Variants in MECOM observed in about 807,000 individuals in gnomAD.
MECOM encodes the protein MDS1 and EVI1 complex locus.
MECOM carries 13 observed loss-of-function variants against 116.3 expected under a neutral mutation model. The observed-to-expected ratio is 0.11, with a 90% CI of 0.07 to 0.18. The LOEUF is 0.18. Among genes scored for constraint, MECOM ranks in the 10% least tolerant of loss-of-function variants. MECOM has a pLI of 1.00. For missense variants in MECOM, 1,299 were observed against 1,509.0 expected, an observed-to-expected ratio of 0.86 and a Z score of 2.31; for synonymous variants, 528 against 535.2, an observed-to-expected ratio of 0.99 and a Z score of 0.19.
intron 2 of MECOM, among the ~76,000 whole-genome samples, chr3:169,231,238 CT>C (rs1465465408): frequency 1.3e-5 from 2 of 152,120 alleles, no homozygotes; most frequent in Non-Finnish European, 2.9e-5. Context: ...GTTGTTCATT[CT>C]TTCATTTATT....
At chr3:169,591,996 A>G (rs546397994) in intron 1 of MECOM, among the ~76,000 whole-genome samples, 1 of 152,258 alleles carries the variant, frequency 6.6e-6, no homozygotes, top group South Asian at 2.1e-4. Context: ...ACCAAACTGA[A>G]ATGATGTGGC....
intron 1 of MECOM, among the ~76,000 whole-genome samples, chr3:169,577,609 T>C (rs1481782824): frequency 1.3e-5 from 2 of 152,100 alleles, no homozygotes; most frequent in Non-Finnish European, 2.9e-5. Flanking sequence ...CATGGAGGTG[T>C]TAAATGAATG....
At chr3:169,371,240 A>C (rs184142784) in intron 2 of MECOM, among the ~76,000 whole-genome samples, 11 of 152,120 alleles carry the variant, frequency 7.2e-5, no homozygotes, top group Admixed American at 6.6e-4. Context: ...ATATTATGCT[A>C]AGTGAAATAA....
At chr3:169,430,632 A>G (rs9637450) in intron 1 of MECOM, among the ~76,000 whole-genome samples, 27,745 of 152,138 alleles carry the variant, frequency 0.18, 3,084 homozygotes, top group Non-Finnish European at 0.25. Flanking sequence ...TGTGTCCACA[A>G]GTCTATTTTC....
At chr3:169,170,546 G>T (rs1744265711) in intron 2 of MECOM, among the ~76,000 whole-genome samples, 2 of 152,060 alleles carry the variant, frequency 1.3e-5, no homozygotes, top group African/African-American at 4.8e-5. Flanking sequence ...CACTTTCGTG[G>T]ATGCTGAATA....
At chr3:169,622,103 T>G (rs1770805816) in intron 1 of MECOM, among the ~76,000 whole-genome samples, 1 of 152,186 alleles carries the variant, frequency 6.6e-6, no homozygotes, top group Admixed American at 6.5e-5. Flanking sequence ...TTTGTTTGTT[T>G]TTTGAGAAGA....
rs374586769 is a variant in MECOM, at chr3:169,625,438, A to G, written c.37+37898T>C. Among the ~76,000 whole-genome samples the G allele has an allele frequency of 7.9e-5, 12 of 152,274 alleles. No homozygotes were observed. The East Asian group carries it at 1.2e-3, about 15-fold the overall frequency. ...GGCTCTTAAGCATTGCCTATTAGTAATACATACCAAATTTACTTAAAAGTC... is the reference window on the plus strand; with the variant it reads ...GGCTCTTAAGCATTGCCTATTAGTAGTACATACCAAATTTACTTAAAAGTC... On this transcript the variant is annotated intron_variant, in intron 1 of 16. Coordinates refer to ENST00000651503, the MANE Select transcript of MECOM (RefSeq NM_004991.4).
chr3:169,616,344 T>C (rs932360321), intron 1 of MECOM, among the ~76,000 whole-genome samples: 3 of 152,056 alleles, frequency 2.0e-5, no homozygotes, highest in Non-Finnish European at 4.4e-5. Flanking sequence ...TTGGTTTTGG[T>C]TTTTTTGTTT....
At chr3:169,493,206 T>C (rs1408559390) in intron 1 of MECOM, among the ~76,000 whole-genome samples, 1 of 152,210 alleles carries the variant, frequency 6.6e-6, no homozygotes, top group Non-Finnish European at 1.5e-5. Context: ...TACCAAGCAC[T>C]GGGGCTCAAG....
intron 4 of MECOM, among the ~76,000 whole-genome samples, chr3:169,128,967 T>TA (rs1733793207): frequency 6.6e-6 from 1 of 152,162 alleles, no homozygotes; most frequent in Admixed American, 6.6e-5. Flanking sequence ...CTCACACTGC[T>TA]AAAAAATACC....
chr3:169,144,805 G>C (rs1025388369), intron 2 of MECOM, among the ~76,000 whole-genome samples: 5 of 152,130 alleles, frequency 3.3e-5, no homozygotes, highest in Non-Finnish European at 5.9e-5. Context: ...TAATACAAAC[G>C]AGGAAGTTTC....
At chr3:169,467,798 C>T (rs576393435) in intron 1 of MECOM, among the ~76,000 whole-genome samples, 4 of 152,148 alleles carry the variant, frequency 2.6e-5, no homozygotes, top group Non-Finnish European at 5.9e-5. Context: ...CCGGCTACAA[C>T]AAGACCTGGG....
At chr3:169,539,596 A>T (rs1319456870) in intron 1 of MECOM, among the ~76,000 whole-genome samples, 1 of 152,180 alleles carries the variant, frequency 6.6e-6, no homozygotes, top group Non-Finnish European at 1.5e-5. Flanking sequence ...TATGTTGTGA[A>T]TTCTTCCACT....
chr3:169,183,869 T>TTTTTTCG (rs1746364218), intron 2 of MECOM, among the ~76,000 whole-genome samples: 1 of 123,198 alleles, frequency 8.1e-6, no homozygotes, highest in East Asian at 2.6e-4. Flanking sequence ...TTCTTTTTTC[T>TTTTTTCG]CTTTTTTTTT....
intron 1 of MECOM, among the ~76,000 whole-genome samples, chr3:169,491,227 C>T (rs76402038): frequency 3.3e-5 from 5 of 152,018 alleles, no homozygotes; most frequent in Non-Finnish European, 7.4e-5. Flanking sequence ...ATAGATATTG[C>T]CACTTAGAAA....
chr3:169,260,139 G>A (rs907423440), intron 2 of MECOM, among the ~76,000 whole-genome samples: 10 of 152,066 alleles, frequency 6.6e-5, no homozygotes, highest in African/African-American at 9.7e-5. Context: ...TAATAGGTTC[G>A]TGTCCCTTTA....
intron 3 of MECOM, among the ~76,000 whole-genome samples, chr3:169,134,165 T>C (rs943919396): frequency 3.9e-5 from 6 of 152,230 alleles, no homozygotes; most frequent in Non-Finnish European, 8.8e-5. Flanking sequence ...TAATCATGTC[T>C]CTTTTAATTC....
intron 2 of MECOM, among the ~76,000 whole-genome samples, chr3:169,346,484 A>ATT (rs1725372768): frequency 6.6e-6 from 1 of 152,098 alleles, no homozygotes; most frequent in Non-Finnish European, 1.5e-5. Flanking sequence ...TTCTTAATGT[A>ATT]CTACAGTAAG....
chr3:169,307,028 A>T (rs1025133834), intron 2 of MECOM, among the ~76,000 whole-genome samples: 1 of 152,208 alleles, frequency 6.6e-6, no homozygotes, highest in Non-Finnish European at 1.5e-5. Flanking sequence ...AGCCATGCCA[A>T]GTTTACCATT....
Sources: allele counts gnomAD v4.1 joint callset (sites outside exome capture counted in the v4.1 genomes callset), GRCh38; gene constraint gnomAD v4.1.1; transcripts MANE v1.5; gene names NCBI Gene and HGNC (gene_info 2026-07-23, HGNC 2026-07-21).